Variants in LRRN3 observed in about 807,000 individuals in gnomAD.
LRRN3 encodes leucine rich repeat neuronal 3, also known as leucine-rich repeat neuronal protein 3.
A neutral mutation model predicts 40.1 loss-of-function variants in LRRN3; 15 were observed. The ratio of observed to expected loss-of-function variants is 0.37; its 90% CI spans 0.25 to 0.58. The LOEUF is 0.58. Among genes scored for constraint, LRRN3 ranks in the 20% least tolerant of loss-of-function variants. LRRN3 has a pLI of 0.72. For missense variants in LRRN3, 746 were observed against 837.7 expected (o/e 0.89, Z 1.35); for synonymous variants, 308 against 297.2 (o/e 1.04, Z -0.37).
intron 1 of LRRN3, among the ~76,000 whole-genome samples, chr7:111,099,010 C>A (rs759388902): frequency 6.6e-6 from 1 of 151,646 alleles, no homozygotes; most frequent in Non-Finnish European, 1.5e-5. Flanking sequence ...AGGAGTGATG[C>A]TTTAATTATT....
In LRRN3 at chr7:111,122,983, A is replaced by T; in HGVS notation, c.211A>T (p.Thr71Ser). The T allele has an allele frequency of 6.2e-7, 1 of 1,614,066 alleles. No homozygotes were observed. Among genetic ancestry groups the T allele is most frequent in the Non-Finnish European group, 8.5e-7 (1 of 1,179,982 alleles). ...TTTCCCAGCCAGATTGCCAGCTAAC[A>T]CACAGATTCTTCTCCTACAGACTAA... ...LTFPARLPAN[T>S]QILLLQTNNI... Residue 71 changes from threonine to serine, a missense_variant, in exon 3 of 3, where the codon ACA becomes TCA. Physicochemically the swap from Thr to Ser is moderately conservative, Grantham distance 58 (BLOSUM62 1). Coordinates refer to ENST00000308478, the MANE Select transcript of LRRN3 (RefSeq NM_001099658.2).
Position 111,124,716 on chromosome 7 carries a change from C to A in LRRN3, c.1944C>A (p.Cys648Ter). The A allele has an allele frequency of 1.2e-6, 2 of 1,613,868 alleles. No individual in the cohort carries two copies. Among genetic ancestry groups the A allele is most frequent in the Non-Finnish European group, 1.7e-6 (2 of 1,179,958 alleles). ...GIIGVICLIS[C>*]LSPEMNCDGG... ...TTGGTGTGATATGTCTTATCAGCTG[C>A]CTCTCTCCAGAAATGAACTGTGATG... The change falls in exon 3 of 3, where the codon TGC (cysteine) becomes TGA (stop). Residue 648 changes from cysteine (C) to a stop codon, truncating the protein, a stop_gained. Coordinates refer to ENST00000308478, the MANE Select transcript of LRRN3 (RefSeq NM_001099658.2). LOFTEE classifies it high-confidence loss of function.
intron 2 of LRRN3, among the ~76,000 whole-genome samples, chr7:111,102,996 G>A (rs1055164022): frequency 5.3e-5 from 8 of 151,414 alleles, no homozygotes; most frequent in Non-Finnish European, 1.2e-4. Flanking sequence ...TTTAAAAATT[G>A]CTGACAATAA....
In LRRN3 at chr7:111,122,913, T is replaced by C. The variant is rs1319663658; in HGVS notation, c.141T>C (p.Tyr47=). 2.5e-6 allele frequency: 4 copies of C among 1,614,074 alleles called. No homozygotes were observed. In the East Asian group the frequency reaches 6.7e-5, roughly 27 times the overall value. ...IRPWFTPRSI[Y]MEASTVDCND... Reference sequence around the variant, plus strand: ...CTTGGTTTACACCCAGATCCATTTATATGGAAGCATCTACAGTGGATTGTA... The same window carrying C: ...CTTGGTTTACACCCAGATCCATTTACATGGAAGCATCTACAGTGGATTGTA... The change falls in exon 3 of 3, where the codon TAT becomes TAC. Residue 47 remains tyrosine (Y), a synonymous_variant. Transcript: ENST00000308478.
chr7:111,098,596 C>T (rs962606148), intron 1 of LRRN3, among the ~76,000 whole-genome samples: 18 of 151,742 alleles, frequency 1.2e-4, no homozygotes, highest in African/African-American at 4.1e-4. Context: ...ATAATACTGG[C>T]AGATCTCATT....
chr7:111,111,407 C>T (rs973661922), intron 2 of LRRN3, among the ~76,000 whole-genome samples: 48 of 151,050 alleles, frequency 3.2e-4, no homozygotes, highest in African/African-American at 1.1e-3. Flanking sequence ...TTCCATCCCC[C>T]CCCAAAAAAA....
chr7:111,104,903 C>T (rs933531381), intron 2 of LRRN3, among the ~76,000 whole-genome samples: 1 of 151,668 alleles, frequency 6.6e-6, no homozygotes, highest in African/African-American at 2.4e-5. Flanking sequence ...GAGAAGGGGA[C>T]AGTCTCTCAC....
At chr7:111,111,954 T>G (rs190622680) in intron 2 of LRRN3, among the ~76,000 whole-genome samples, 8 of 134,290 alleles carry the variant, frequency 6.0e-5, no homozygotes, top group African/African-American at 8.4e-5. Context: ...TTTTTTTTTT[T>G]TTTTTTTTTT....
In LRRN3 at chr7:111,125,019, C is replaced by T. The variant is rs557018338; in HGVS notation, c.*120C>T. ...CAAAAAAGTAAAAAAAGATTACTTT[C>T]GAGAGAGAAGTTTAAGCTTCACCAA... On this transcript the variant is annotated 3_prime_UTR_variant, in exon 3 of 3. Transcript: ENST00000308478. 92 of 759,364 alleles carry T rather than the reference C, an allele frequency of 1.2e-4. No individual in the cohort carries two copies. The highest frequency in any genetic ancestry group is 1.3e-4 in the South Asian group (6 of 46,874). 47.0% of individuals were successfully genotyped at this position (759,364 alleles called of 1,614,324 possible).
At chr7:111,104,360 C>T (rs1208595309) in intron 2 of LRRN3, among the ~76,000 whole-genome samples, 1 of 151,728 alleles carries the variant, frequency 6.6e-6, no homozygotes, top group East Asian at 1.9e-4. Context: ...GAAACAATTT[C>T]TTTTGTTATC....
chr7:111,092,730 C>G (rs1796999376), intron 1 of LRRN3, among the ~76,000 whole-genome samples: 1 of 152,120 alleles, frequency 6.6e-6, no homozygotes, highest in African/African-American at 2.4e-5. Context: ...GGGAAGCCAG[C>G]TACTTAGAAT....
chr7:111,110,355 A>C (rs1563252870), intron 2 of LRRN3, among the ~76,000 whole-genome samples: 1 of 152,210 alleles, frequency 6.6e-6, no homozygotes, highest in African/African-American at 2.4e-5. Flanking sequence ...ATTATGACAA[A>C]GTTTAATTAT....
Position 111,123,730 on chromosome 7 carries a change from C to G in LRRN3, c.958C>G (p.Pro320Ala), listed in dbSNP as rs1440996514. ...AAGAAAAATAGAAGCTACTAACAAC[C>G]CTAGATTGTCTTACATTCACCCCAA... ...DLRKIEATNN[P>A]RLSYIHPNAF... Residue 320 changes from proline to alanine, a missense_variant, in exon 3 of 3, where the codon CCT becomes GCT. Physicochemically the swap from Pro to Ala is conservative, Grantham distance 27 (BLOSUM62 -1). Transcript: ENST00000308478. This position sits in a 1 kb window ranked among gnomAD's most constrained non-coding sequence, Gnocchi z 6.4. 3 of 1,613,796 alleles carry G rather than the reference C, an allele frequency of 1.9e-6. No homozygotes were observed. The highest frequency in any genetic ancestry group is 2.5e-6 in the Non-Finnish European group (3 of 1,179,892).
In LRRN3 at chr7:111,122,987, A is replaced by G; in HGVS notation, c.215A>G (p.Gln72Arg). The G allele has an allele frequency of 6.2e-7, 1 of 1,614,054 alleles. No individual in the cohort carries two copies. The highest frequency in any genetic ancestry group is 8.5e-7 in the Non-Finnish European group (1 of 1,179,956). The change falls in exon 3 of 3, where the codon CAG (glutamine) becomes CGG (arginine). Residue 72 changes from glutamine to arginine, a missense_variant. By Grantham distance (43) the Gln-to-Arg change is conservative. Transcript: ENST00000308478. Reference protein sequence around the residue: ...TFPARLPANTQILLLQTNNIA... With the variant: ...TFPARLPANTRILLLQTNNIA... ...CCAGCCAGATTGCCAGCTAACACAC[A>G]GATTCTTCTCCTACAGACTAACAAT...
rs34643951 is a variant in LRRN3 at position 111,123,672 on chromosome 7, C to A, written c.900C>A (p.Ile300=). Residue 300 remains isoleucine, a synonymous_variant, in exon 3 of 3, where the codon ATC becomes ATA. Coordinates refer to ENST00000308478, the MANE Select transcript of LRRN3 (RefSeq NM_001099658.2). This position sits in a 1 kb window ranked among gnomAD's most constrained non-coding sequence, Gnocchi z 6.4. The stretch of plus-strand genomic sequence containing the variant: ...ATAATATGCCTGAGCTGATTTCCAT[C>A]GATAGTCTTGCTGTGGATAACCTGC... ...GINNMPELIS[I]DSLAVDNLPD... 1.4e-5 allele frequency: 23 copies of A among 1,613,714 alleles called. No individual in the cohort carries two copies. Among genetic ancestry groups the A allele is most frequent in the Non-Finnish European group, 1.9e-5 (23 of 1,179,940 alleles).
intron 2 of LRRN3, among the ~76,000 whole-genome samples, chr7:111,107,640 T>C (rs3823926): frequency 0.72 from 109,587 of 151,992 alleles, 41,954 homozygotes; most frequent in East Asian, 0.9. Context: ...GGGGCACTAG[T>C]AAAGTAATAA....
chr7:111,110,166 C>T (rs377386765), intron 2 of LRRN3, among the ~76,000 whole-genome samples: 1 of 152,070 alleles, frequency 6.6e-6, no homozygotes, highest in South Asian at 2.1e-4. Context: ...CTGAACTATA[C>T]TAAAATATGC....
chr7:111,111,913 T>C (rs1223926771), intron 2 of LRRN3, among the ~76,000 whole-genome samples: 2 of 146,844 alleles, frequency 1.4e-5, no homozygotes, highest in Non-Finnish European at 3.0e-5. Context: ...TTTATTTATA[T>C]ATTTTATTTA....
Position 111,124,855 on chromosome 7 carries a change from A to C in LRRN3, c.2083A>C (p.Lys695Gln). Residue 695 changes from lysine to glutamine, a missense_variant, in exon 3 of 3, where the codon AAA becomes CAA. Coordinates refer to ENST00000308478, the MANE Select transcript of LRRN3 (RefSeq NM_001099658.2). ...EAGKEKSTSL[K>Q]VKATVIGLPT... ...AGGAAAAGAAAAAAGTACATCACTG[A>C]AAGTAAAAGCAACTGTTATAGGTTT... The C allele has an allele frequency of 6.2e-7, 1 of 1,611,596 alleles. No individual in the cohort carries two copies. The highest frequency in any genetic ancestry group is 8.5e-7 in the Non-Finnish European group (1 of 1,179,682).
Sources: gnomAD v4.1 joint callset for allele counts (sites outside exome capture counted in the v4.1 genomes callset) on GRCh38, gnomAD v4.1.1 for gene constraint, Gnocchi (gnomAD v3.1) non-coding constraint, MANE v1.5 for transcripts, NCBI Gene and HGNC (gene_info 2026-07-23, HGNC 2026-07-21) for gene names.